Variants in KCNB2 observed in about 807,000 individuals in gnomAD.
The protein encoded by KCNB2 is delayed rectifier potassium channel protein.
Under a neutral mutation model 61.5 loss-of-function variants are expected in KCNB2, and 15 were observed. That is an observed-to-expected ratio of 0.24 (90% CI 0.16 to 0.38). KCNB2 has a LOEUF of 0.38. Among genes scored for constraint, KCNB2 ranks in the 10% least tolerant of loss-of-function variants. The pLI, the probability that KCNB2 is intolerant of heterozygous loss-of-function variation, is 1.00. For synonymous variants in KCNB2, 457 were observed against 446.0 expected, an observed-to-expected ratio of 1.02 and a Z score of -0.31; for missense variants, 828 against 1,125.2, an observed-to-expected ratio of 0.74 and a Z score of 3.78.
At chr8:72,918,358 C>A (rs1241104075) in intron 2 of KCNB2, among the ~76,000 whole-genome samples, 1 of 152,152 alleles carries the variant, frequency 6.6e-6, no homozygotes, top group Non-Finnish European at 1.5e-5. Flanking sequence ...GGGAATGACA[C>A]TGGGCATATT....
At chr8:72,552,541 T>G (rs1056656781) in intron 1 of KCNB2, among the ~76,000 whole-genome samples, 1 of 152,212 alleles carries the variant, frequency 6.6e-6, no homozygotes, top group African/African-American at 2.4e-5. Context: ...ATGAACTACC[T>G]TAAGAAACTA....
Position 72,611,701 on chromosome 8 carries a change from C to A in KCNB2, c.579+43388C>A, listed in dbSNP as rs374919377. On this transcript the variant is annotated intron_variant, in intron 2 of 2. Transcript: ENST00000523207. Reference sequence around the variant, plus strand: ...AAGGGATACCTTCTATTTCATAGCACCTTTTAAGTGTATTGTTCTGCCAAT... The same window carrying A: ...AAGGGATACCTTCTATTTCATAGCAACTTTTAAGTGTATTGTTCTGCCAAT... 7.2e-5 allele frequency among the ~76,000 whole-genome samples: 11 copies of A among 152,260 alleles called. No homozygotes were observed. The South Asian group carries it at 8.3e-4, about 11-fold the overall frequency.
At chr8:72,717,414 A>C (rs574100528) in intron 2 of KCNB2, among the ~76,000 whole-genome samples, 18 of 151,938 alleles carry the variant, frequency 1.2e-4, no homozygotes, top group African/African-American at 4.1e-4. Flanking sequence ...TTCAAACTAT[A>C]CTACAAGGCT....
intron 2 of KCNB2, among the ~76,000 whole-genome samples, chr8:72,894,353 A>T (rs1259488711): frequency 6.6e-6 from 1 of 152,188 alleles, no homozygotes. Context: ...GCACAAGGCC[A>T]TGTGGGGCTT....
At chr8:72,842,375 G>A (rs563114891) in intron 2 of KCNB2, among the ~76,000 whole-genome samples, 1 of 152,178 alleles carries the variant, frequency 6.6e-6, no homozygotes, top group African/African-American at 2.4e-5. Flanking sequence ...TGTTCATCAG[G>A]GATATTGCCC....
At chr8:72,882,180 C>T (rs758063494) in intron 2 of KCNB2, among the ~76,000 whole-genome samples, 1 of 152,140 alleles carries the variant, frequency 6.6e-6, no homozygotes, top group East Asian at 1.9e-4. Flanking sequence ...GAGATACCAC[C>T]AGCACCTCCA....
chr8:72,922,706 G>C (rs1293158443), intron 2 of KCNB2, among the ~76,000 whole-genome samples: 1 of 152,142 alleles, frequency 6.6e-6, no homozygotes, highest in Non-Finnish European at 1.5e-5. Context: ...TGTGGATTAA[G>C]TGTCAACACA....
chr8:72,635,033 C>T (rs138105902), intron 2 of KCNB2, among the ~76,000 whole-genome samples: 15 of 152,286 alleles, frequency 9.8e-5, no homozygotes, highest in African/African-American at 3.6e-4. Flanking sequence ...GTGTAACTGC[C>T]AGCAGGTGTG....
At chr8:72,741,418 C>G (rs141797234) in intron 2 of KCNB2, among the ~76,000 whole-genome samples, 1 of 152,036 alleles carries the variant, frequency 6.6e-6, no homozygotes, top group Admixed American at 6.6e-5. Context: ...TATTTCTTTT[C>G]TTATTATTAT....
At chr8:72,924,600 A>G (rs1038901635) in intron 2 of KCNB2, among the ~76,000 whole-genome samples, 3 of 152,152 alleles carry the variant, frequency 2.0e-5, no homozygotes, top group Admixed American at 1.3e-4. Flanking sequence ...CAGATAATAG[A>G]ATGTGTCTAT....
intron 2 of KCNB2, among the ~76,000 whole-genome samples, chr8:72,831,488 G>A (rs2129001889): frequency 6.6e-6 from 1 of 152,248 alleles, no homozygotes; most frequent in Non-Finnish European, 1.5e-5. Flanking sequence ...GCCACTTTAG[G>A]GAAAGTTAAA....
intron 2 of KCNB2, among the ~76,000 whole-genome samples, chr8:72,683,607 C>T (rs1806798967): frequency 6.6e-6 from 1 of 152,162 alleles, no homozygotes; most frequent in Admixed American, 6.5e-5. Context: ...GTCAGGAACC[C>T]ATCACTTGGT....
Position 72,937,260 on chromosome 8 carries a change from C to T in KCNB2, c.1905C>T (p.Thr635=), listed in dbSNP as rs767138837. ...CTCACTTGCAGATGAAGTTCCCAAC[C>T]GACCTCCCAGGGACAGAAGAGCACC... ...SASHLQMKFP[T]DLPGTEEHQR... Residue 635 remains threonine (T), a synonymous_variant, in exon 3 of 3, where the codon ACC becomes ACT. Transcript: ENST00000523207. 5.0e-6 allele frequency: 8 copies of T among 1,614,022 alleles called. No homozygotes were observed. Among genetic ancestry groups the T allele is most frequent in the Non-Finnish European group, 6.8e-6 (8 of 1,180,012 alleles).
chr8:72,584,322 G>A (rs964916034), intron 2 of KCNB2, among the ~76,000 whole-genome samples: 8 of 152,206 alleles, frequency 5.3e-5, no homozygotes, highest in Middle Eastern at 3.4e-3. Flanking sequence ...TTAAAGTCTC[G>A]GAAATGCCCT....
rs561958514 is a variant in KCNB2 at position 72,632,798 on chromosome 8, T to C, written c.579+64485T>C. On this transcript the variant is annotated intron_variant, in intron 2 of 2. Transcript: ENST00000523207. ...GCATCAAAGGTGTGTGTGTGGTCAT[T>C]GCCACCTCCAACCCCCGCCCAATAT... Among the ~76,000 whole-genome samples the C allele has an allele frequency of 5.3e-5, 8 of 152,306 alleles. No individual in the cohort carries two copies. The South Asian group carries it at 1.7e-3, about 32-fold the overall frequency.
intron 2 of KCNB2, among the ~76,000 whole-genome samples, chr8:72,668,786 C>G (rs1013696693): frequency 6.6e-6 from 1 of 151,938 alleles, no homozygotes; most frequent in African/African-American, 2.4e-5. Context: ...TATTTGTCTC[C>G]CCAACTAGAT....
chr8:72,829,653 T>G (rs567419939), intron 2 of KCNB2, among the ~76,000 whole-genome samples: 1 of 152,320 alleles, frequency 6.6e-6, no homozygotes, highest in African/African-American at 2.4e-5. Flanking sequence ...TACTACTAAA[T>G]GATGGGTTGG....
At chr8:72,600,334 A>T (rs1247100335) in intron 2 of KCNB2, among the ~76,000 whole-genome samples, 1 of 152,116 alleles carries the variant, frequency 6.6e-6, no homozygotes, top group African/African-American at 2.4e-5. Flanking sequence ...TCAGCAAACT[A>T]TCACAAGGAC....
chr8:72,560,257 C>T (rs563257733), intron 1 of KCNB2, among the ~76,000 whole-genome samples: 2 of 152,238 alleles, frequency 1.3e-5, no homozygotes, highest in East Asian at 3.9e-4. Flanking sequence ...CTGGAAGAGA[C>T]CTAACAAATT....
Sources: gnomAD v4.1 joint callset for allele counts (sites outside exome capture counted in the v4.1 genomes callset) on GRCh38, gnomAD v4.1.1 for gene constraint, MANE v1.5 for transcripts, NCBI Gene and HGNC (gene_info 2026-07-23, HGNC 2026-07-21) for gene names.